The following FER variants were observed in gnomAD, a reference collection of about 807,000 sequenced individuals.
The protein encoded by FER is FER tyrosine kinase, also known as tyrosine-protein kinase Fer.
In FER, 63 loss-of-function variants were observed where a neutral mutation model predicts 111.0. The observed-to-expected ratio is 0.57, with a 90% confidence interval of 0.46 to 0.70. FER has a LOEUF of 0.70. FER is among the 30% of genes least tolerant of loss of function. The pLI is 0.00. For synonymous variants in FER, 327 were observed against 313.9 expected (o/e 1.04, Z -0.44); for missense variants, 914 against 954.0 (o/e 0.96, Z 0.55).
intron 17 of FER, among the ~76,000 whole-genome samples, chr5:109,166,574 A>T (rs775353354): frequency 6.6e-6 from 1 of 152,134 alleles, no homozygotes; most frequent in Non-Finnish European, 1.5e-5. Context: ...ATTTTGTCTT[A>T]TAGTACAGTG....
intron 13 of FER, among the ~76,000 whole-genome samples, chr5:108,979,529 TTAAG>T (rs1295391521): frequency 3.3e-5 from 5 of 152,116 alleles, no homozygotes; most frequent in Non-Finnish European, 7.4e-5. Flanking sequence ...CGGCATTACT[TTAAG>T]TATAGAGAAA....
At chr5:109,143,587 C>T in intron 17 of FER, among the ~76,000 whole-genome samples, 1 of 152,052 alleles carries the variant, frequency 6.6e-6, no homozygotes, top group Non-Finnish European at 1.5e-5. Context: ...GTCTCCACCC[C>T]ACCTCCATTA....
intron 16 of FER, among the ~76,000 whole-genome samples, chr5:109,087,491 TTA>T (rs1282951398): frequency 3.3e-5 from 5 of 151,842 alleles, no homozygotes; most frequent in Admixed American, 3.3e-4. Flanking sequence ...CCAACACTGA[TTA>T]TATGTTTGTC....
At chr5:108,884,651 C>G (rs1746814242) in intron 9 of FER, among the ~76,000 whole-genome samples, 1 of 151,818 alleles carries the variant, frequency 6.6e-6, no homozygotes, top group Non-Finnish European at 1.5e-5. Flanking sequence ...TAAGTCTTGA[C>G]TCCGAAAAAC....
chr5:108,812,137 A>G (rs1341462710), intron 3 of FER, among the ~76,000 whole-genome samples: 1 of 152,066 alleles, frequency 6.6e-6, no homozygotes. Flanking sequence ...TCCCACTATA[A>G]CTGTGAACTT....
intron 16 of FER, among the ~76,000 whole-genome samples, chr5:109,053,099 G>T (rs1773068583): frequency 6.6e-6 from 1 of 152,116 alleles, no homozygotes; most frequent in African/African-American, 2.4e-5. Flanking sequence ...GAAAAGTAAT[G>T]GAGGCGGCCG....
At chr5:108,814,191 C>A (rs1162410421) in intron 3 of FER, among the ~76,000 whole-genome samples, 1 of 152,048 alleles carries the variant, frequency 6.6e-6, no homozygotes, top group Admixed American at 6.6e-5. Context: ...GACTTTTTAT[C>A]TAGAATACGA....
chr5:108,939,035 T>C (rs1196780134), intron 10 of FER, among the ~76,000 whole-genome samples: 1 of 152,084 alleles, frequency 6.6e-6, no homozygotes, highest in African/African-American at 2.4e-5. Flanking sequence ...TGTGCATTTC[T>C]AAAATCTGTG....
At chr5:109,143,802 C>T (rs1468979080) in intron 17 of FER, among the ~76,000 whole-genome samples, 2 of 151,246 alleles carry the variant, frequency 1.3e-5, no homozygotes, top group African/African-American at 4.9e-5. Flanking sequence ...AGTCTCCCTA[C>T]AAGCTGGGAC....
At position 108,832,912 on chromosome 5, in the gene FER, T is replaced by C. The variant is rs767261061; in HGVS notation, c.350T>C (p.Val117Ala). 2 of 1,599,896 alleles carry C rather than the reference T, an allele frequency of 1.3e-6. No homozygotes were observed. The highest frequency in any genetic ancestry group is 1.7e-6 in the Non-Finnish European group (2 of 1,173,006). Residue 117 changes from valine (V) to alanine (A), a missense_variant, in exon 4 of 20, where the codon GTT becomes GCT. Physicochemically the swap from Val to Ala is moderately conservative, Grantham distance 64. Coordinates refer to ENST00000281092, the MANE Select transcript of FER (RefSeq NM_005246.4). ...KQQVKKSYIGVHQQIEAEMIK... is the reference protein window; with the variant it reads ...KQQVKKSYIGAHQQIEAEMIK... Reference sequence around the variant, plus strand: ...CAGGTGAAGAAAAGTTACATAGGTGTTCATCAGCAGATAGAGGCAGAGATG... The same window carrying C: ...CAGGTGAAGAAAAGTTACATAGGTGCTCATCAGCAGATAGAGGCAGAGATG...
chr5:109,032,458 G>A (rs1259625308), intron 13 of FER, among the ~76,000 whole-genome samples: 1 of 151,660 alleles, frequency 6.6e-6, no homozygotes, highest in Non-Finnish European at 1.5e-5. Flanking sequence ...TCTGTTCCTT[G>A]TGCTTCTCAA....
At position 109,070,845 on chromosome 5, in the gene FER, T is replaced by A. The variant is rs76197469; in HGVS notation, c.1924+23647T>A. 9.7e-3 allele frequency among the ~76,000 whole-genome samples: 1,481 copies of A among 152,118 alleles called. 19 individuals carry two copies. The highest frequency in any genetic ancestry group is 0.034 in the African/African-American group (1,412 of 41,552). On this transcript the variant is annotated intron_variant, in intron 16 of 19. Coordinates refer to ENST00000281092, the MANE Select transcript of FER (RefSeq NM_005246.4). ...TGAAATAGAGGCAATTTGATTATAA[T>A]TAATGCAGTCATTTTGTAATACAAA...
At chr5:109,125,666 A>C (rs1275695743) in intron 17 of FER, among the ~76,000 whole-genome samples, 2 of 152,190 alleles carry the variant, frequency 1.3e-5, no homozygotes, top group Non-Finnish European at 2.9e-5. Flanking sequence ...AGCTGGTCTT[A>C]GTAGTAGCAG....
chr5:109,150,681 C>G (rs1157142551), intron 17 of FER, among the ~76,000 whole-genome samples: 1 of 152,106 alleles, frequency 6.6e-6, no homozygotes, highest in Admixed American at 6.6e-5. Flanking sequence ...GACAATATAT[C>G]TTTAACGTTA....
chr5:108,793,371 G>A (rs181572726), intron 2 of FER, among the ~76,000 whole-genome samples: 33 of 152,200 alleles, frequency 2.2e-4, no homozygotes, highest in East Asian at 1.4e-3. Flanking sequence ...ACTCCATTGC[G>A]TATATGTACC....
chr5:109,044,006 T>C lies in FER; in HGVS notation c.1714-674T>C, dbSNP rs376813294. ...GAAAAAAAAGTTTGCATAATATGAT[T>C]ATAGCTATGTAAAAAATACATATGC... On this transcript the variant is annotated intron_variant, in intron 14 of 19. Transcript: ENST00000281092. 2.1e-4 allele frequency among the ~76,000 whole-genome samples: 32 copies of C among 151,836 alleles called. No homozygotes were observed. The East Asian group carries it at 3.5e-3, about 17-fold the overall frequency.
chr5:109,180,454 C>T (rs1181652209), intron 17 of FER, among the ~76,000 whole-genome samples: 1 of 152,160 alleles, frequency 6.6e-6, no homozygotes, highest in Non-Finnish European at 1.5e-5. Context: ...GCCAACTTTG[C>T]TTAGCCTCTT....
chr5:108,758,635 T>C (rs566187001), intron 1 of FER, among the ~76,000 whole-genome samples: 1 of 152,324 alleles, frequency 6.6e-6, no homozygotes, highest in Admixed American at 6.5e-5. Context: ...CGTTGAAGGA[T>C]TCCAATCATT....
At chr5:109,033,606 G>T (rs1262720099) in intron 13 of FER, among the ~76,000 whole-genome samples, 3 of 152,068 alleles carry the variant, frequency 2.0e-5, no homozygotes, top group Non-Finnish European at 4.4e-5. Flanking sequence ...GAAATTGAAT[G>T]TCTTTCTCAG....
Sources: allele counts gnomAD v4.1 joint callset (sites outside exome capture counted in the v4.1 genomes callset), GRCh38; gene constraint gnomAD v4.1.1; transcripts MANE v1.5; gene names NCBI Gene and HGNC (gene_info 2026-07-23, HGNC 2026-07-21).